The following CASR variants were observed in gnomAD, a reference collection of about 807,000 sequenced individuals.
CASR encodes calcium sensing receptor.
A neutral mutation model predicts 69.1 loss-of-function variants in CASR; 23 were observed. The observed-to-expected ratio is 0.33, with a 90% CI of 0.24 to 0.47. The LOEUF is 0.47. Among genes scored for constraint, CASR ranks in the 20% least tolerant of loss-of-function variants. The pLI, the probability that CASR is intolerant of heterozygous loss-of-function variation, is 1.00. For synonymous variants in CASR, 541 were observed against 544.7 expected (o/e 0.99, Z 0.10); for missense variants, 924 against 1,356.1 (o/e 0.68, Z 5.00).
chr3:122,252,326 GAA>G (rs2074491721), intron 1 of CASR, among the ~76,000 whole-genome samples: 1 of 126,128 alleles, frequency 7.9e-6, no homozygotes, highest in Non-Finnish European at 1.7e-5. Context: ...AAGAGAGAAA[GAA>G]AGAGAGAGAA....
intron 4 of CASR, among the ~76,000 whole-genome samples, chr3:122,275,491 C>T (rs1212832332): frequency 6.6e-6 from 1 of 152,270 alleles, no homozygotes; most frequent in East Asian, 1.9e-4. Flanking sequence ...GGGGCACCAC[C>T]AGGTGATGGC....
At chr3:122,196,308 A>T (rs1214790104) in intron 1 of CASR, among the ~76,000 whole-genome samples, 2 of 152,172 alleles carry the variant, frequency 1.3e-5, no homozygotes, top group Admixed American at 6.5e-5. Context: ...ATCAATTTTT[A>T]AAAAATAGAT....
chr3:122,238,695 A>G (rs1292248211), intron 1 of CASR, among the ~76,000 whole-genome samples: 2 of 152,130 alleles, frequency 1.3e-5, no homozygotes, highest in African/African-American at 4.8e-5. Flanking sequence ...GAGAAGAGCA[A>G]AGAGTAAAGA....
intron 1 of CASR, among the ~76,000 whole-genome samples, chr3:122,193,248 A>T (rs1559933118): frequency 6.8e-6 from 1 of 148,106 alleles, no homozygotes; most frequent in African/African-American, 2.5e-5. Context: ...AGTCTCACTC[A>T]CTCTGTCACC....
At chr3:122,208,774 C>T (rs1185880588) in intron 1 of CASR, among the ~76,000 whole-genome samples, 1 of 151,998 alleles carries the variant, frequency 6.6e-6, no homozygotes, top group Admixed American at 6.6e-5. Context: ...TTCCCTCCAG[C>T]ACTGAATGGC....
At position 122,284,689 on chromosome 3, in the gene CASR, C is replaced by T. The variant is rs1366210816; in HGVS notation, c.2735C>T (p.Ser912Phe). ...LGGSTGSTPSSSISSKSNSED... is the reference protein window; with the variant it reads ...LGGSTGSTPSFSISSKSNSED... ...GGCTCCACGGGATCCACCCCCTCCT[C>T]CTCCATCAGCAGCAAGAGCAACAGC... Residue 912 changes from serine (S) to phenylalanine (F), a missense_variant, in exon 7 of 7, where the codon TCC becomes TTC. Ser to Phe is a radical substitution (Grantham distance 155). Around this residue, in one of 8 missense-constraint regions of CASR, gnomAD observed 201 missense variants for 228.8 expected, o/e 0.88. Coordinates refer to ENST00000639785, the MANE Select transcript of CASR (RefSeq NM_000388.4). 6.8e-6 allele frequency: 11 copies of T among 1,613,480 alleles called. No homozygotes were observed. The highest frequency in any genetic ancestry group is 9.3e-6 in the Non-Finnish European group (11 of 1,179,534).
At chr3:122,252,386 G>A (rs2074496405) in intron 1 of CASR, among the ~76,000 whole-genome samples, 7 of 14,020 alleles carry the variant, frequency 5.0e-4, no homozygotes, top group African/African-American at 2.0e-3. Context: ...AAGGAAGGAA[G>A]GAAGGAAGGA....
At chr3:122,262,518 G>A in intron 4 of CASR, 106 bp downstream of exon 4, 2 of 989,752 alleles carry the variant, frequency 2.0e-6, no homozygotes. Context: ...ATATTTAAAT[G>A]AAGCCACTAA....
chr3:122,194,914 C>T (rs1056006539), intron 1 of CASR, among the ~76,000 whole-genome samples: 3 of 152,034 alleles, frequency 2.0e-5, no homozygotes, highest in African/African-American at 7.2e-5. Context: ...TCATTTGGTC[C>T]GTACACTTTA....
Position 122,257,151 on chromosome 3 carries a change from G to T in CASR, c.256G>T (p.Ala86Ser), listed in dbSNP as rs1275539972. ...CATAGAGGAGATAAACAGCAGCCCA[G>T]CCCTTCTTCCCAACTTGACGCTGGG... is the stretch of plus-strand genomic sequence containing the variant. ...FAIEEINSSP[A>S]LLPNLTLGYR... is the part of the protein sequence containing the mutation. The change falls in exon 3 of 7, where the codon GCC becomes TCC. Residue 86 changes from alanine (A) to serine (S), a missense_variant. By Grantham distance (99) the Ala-to-Ser change is moderately conservative. Around this residue, in one of 8 missense-constraint regions of CASR, gnomAD observed 141 missense variants for 283.0 expected, o/e 0.50. Coordinates refer to ENST00000639785, the MANE Select transcript of CASR (RefSeq NM_000388.4). The T allele has an allele frequency of 1.9e-6, 3 of 1,614,170 alleles. No homozygotes were observed. In the East Asian group the frequency reaches 6.7e-5, roughly 36 times the overall value.
chr3:122,230,667 C>T (rs1393468027), intron 1 of CASR, among the ~76,000 whole-genome samples: 1 of 152,212 alleles, frequency 6.6e-6, no homozygotes, highest in Non-Finnish European at 1.5e-5. Context: ...CAAATCCAGT[C>T]TCTTCCACTG....
chr3:122,253,307 T>C (rs2074517724), intron 1 of CASR, among the ~76,000 whole-genome samples: 1 of 152,364 alleles, frequency 6.6e-6, no homozygotes, highest in Admixed American at 6.5e-5. Flanking sequence ...AATGGCACGA[T>C]CTCGGCTCAC....
intron 1 of CASR, among the ~76,000 whole-genome samples, chr3:122,240,151 G>A (rs1461802917): frequency 1.3e-5 from 2 of 152,180 alleles, no homozygotes; most frequent in Admixed American, 1.3e-4. Context: ...CAGGAAAGAA[G>A]CATATAACAT....
chr3:122,188,928 AACAATACAG>A (rs759181005), intron 1 of CASR, among the ~76,000 whole-genome samples: 2 of 152,240 alleles, frequency 1.3e-5, no homozygotes, highest in African/African-American at 2.4e-5. Context: ...TAAGGCAGGA[AACAATACAG>A]ACATGTGTGA....
At chr3:122,187,866 A>G (rs1384350815) in intron 1 of CASR, among the ~76,000 whole-genome samples, 1 of 152,214 alleles carries the variant, frequency 6.6e-6, no homozygotes, top group Non-Finnish European at 1.5e-5. Context: ...TGGCTAAAGT[A>G]TGCATGATGG....
intron 2 of CASR, among the ~76,000 whole-genome samples, chr3:122,255,889 G>C (rs140456192): frequency 1.9e-3 from 179 of 93,660 alleles, no homozygotes; most frequent in African/African-American, 6.3e-3. Flanking sequence ...AGTTCAAGTA[G>C]TGAAACCCAC....
intron 4 of CASR, among the ~76,000 whole-genome samples, chr3:122,274,569 C>T (rs916236066): frequency 6.6e-5 from 10 of 152,104 alleles, no homozygotes; most frequent in African/African-American, 2.2e-4. Context: ...AATGTTGTCC[C>T]AGTGTGAGAT....
chr3:122,185,632 C>A (rs1389104875), intron 1 of CASR, among the ~76,000 whole-genome samples: 3 of 152,206 alleles, frequency 2.0e-5, no homozygotes, highest in Non-Finnish European at 2.9e-5. Context: ...CTTAACACCA[C>A]AGTAGTTCCT....
intron 1 of CASR, among the ~76,000 whole-genome samples, chr3:122,252,607 G>T (rs2074510095): frequency 6.6e-6 from 1 of 151,912 alleles, no homozygotes; most frequent in Non-Finnish European, 1.5e-5. Flanking sequence ...GAAATGGCGA[G>T]GAGTAAATGG....
Sources: gnomAD v4.1 joint callset for allele counts (sites outside exome capture counted in the v4.1 genomes callset) on GRCh38, gnomAD v4.1.1 for gene constraint, gnomAD v4.1.1 regional missense constraint, MANE v1.5 for transcripts, NCBI Gene and HGNC (gene_info 2026-07-23, HGNC 2026-07-21) for gene names.